PCDH9: variants seen among roughly 807,000 people sequenced by gnomAD.
PCDH9 encodes the protein protocadherin-9.
A neutral mutation model predicts 70.6 loss-of-function variants in PCDH9; 24 were observed. The observed-to-expected ratio is 0.34, with a 90% CI of 0.25 to 0.48. The LOEUF is 0.48. Among genes scored for constraint, PCDH9 ranks in the 20% least tolerant of loss-of-function variants. The pLI is 0.99. For missense variants in PCDH9, 1,281 were observed against 1,503.6 expected, an observed-to-expected ratio of 0.85 and a Z score of 2.45; for synonymous variants, 562 against 558.5, an observed-to-expected ratio of 1.01 and a Z score of -0.09.
intron 3 of PCDH9, among the ~76,000 whole-genome samples, chr13:66,663,035 C>A (rs764358264): frequency 6.6e-6 from 1 of 151,960 alleles, no homozygotes; most frequent in African/African-American, 2.4e-5. Context: ...TTCTTTTTCC[C>A]AATTAACTAT....
At chr13:66,449,226 G>T (rs538304197) in intron 4 of PCDH9, among the ~76,000 whole-genome samples, 2 of 152,188 alleles carry the variant, frequency 1.3e-5, no homozygotes, top group South Asian at 2.1e-4. Flanking sequence ...CCAGGAGAAG[G>T]CCTTCAGAAT....
intron 4 of PCDH9, among the ~76,000 whole-genome samples, chr13:66,323,728 G>A (rs1955794263): frequency 6.6e-6 from 1 of 151,234 alleles, no homozygotes; most frequent in Non-Finnish European, 1.5e-5. Context: ...ATCTTAAGTA[G>A]GTTTTAAAGT....
In PCDH9 at chr13:67,051,265, G is replaced by A. The variant is rs183980730; in HGVS notation, c.3037-147660C>T. Among the ~76,000 whole-genome samples, 41 of 152,078 alleles carry A rather than the reference G, an allele frequency of 2.7e-4. No homozygotes were observed. In the East Asian group the frequency reaches 7.7e-3, roughly 29 times the overall value. ...CTAATGAAAGGGAAGAAATCATGAAGCTAGTTTGAAATTAGCGTTGATTCA... is the reference window on the plus strand; with the variant it reads ...CTAATGAAAGGGAAGAAATCATGAAACTAGTTTGAAATTAGCGTTGATTCA... On this transcript the variant is annotated intron_variant, in intron 2 of 4. Coordinates refer to ENST00000377865, the MANE Select transcript of PCDH9 (RefSeq NM_203487.3).
At position 66,730,876 on chromosome 13, in the gene PCDH9, G is replaced by GTTTTTTTTTTT. The variant is rs758928616; in HGVS notation, c.3139-99466_3139-99465insAAAAAAAAAAA. Among the ~76,000 whole-genome samples, 67 of 46,342 alleles carry GTTTTTTTTTTT rather than the reference G, an allele frequency of 1.4e-3. 6 individuals are homozygous for GTTTTTTTTTTT. Among genetic ancestry groups the GTTTTTTTTTTT allele is most frequent in the African/African-American group, 3.9e-3 (52 of 13,266 alleles). The allele number at this position is 46,342 out of a possible 152,430, so 30.4% of individuals were successfully genotyped here. ...TGTTTTTGTTTTTTTGTGTGTGTGTGTTTTTTTTTTGTTTGTTTCTTTTTT... is the reference window on the plus strand; with the variant it reads ...TGTTTTTGTTTTTTTGTGTGTGTGTGTTTTTTTTTTTTTTTTTTTTTGTTTGTTTCTTTTTT... On this transcript the variant is annotated intron_variant, in intron 3 of 4. Transcript: ENST00000377865.
intron 3 of PCDH9, among the ~76,000 whole-genome samples, chr13:66,724,970 G>A (rs1476892975): frequency 6.6e-6 from 1 of 152,070 alleles, no homozygotes; most frequent in African/African-American, 2.4e-5. Context: ...ATATTACATA[G>A]TGCTGATGAC....
chr13:66,477,118 A>G (rs1168488335), intron 4 of PCDH9, among the ~76,000 whole-genome samples: 4 of 152,142 alleles, frequency 2.6e-5, no homozygotes, highest in Admixed American at 2.6e-4. Flanking sequence ...GAGACTAAGC[A>G]GTTCAATGTG....
intron 3 of PCDH9, among the ~76,000 whole-genome samples, chr13:66,648,560 AC>A (rs564251322): frequency 3.1e-4 from 47 of 152,306 alleles, no homozygotes; most frequent in African/African-American, 9.1e-4. Context: ...AGGTCACAAC[AC>A]CCAACTCCCT....
intron 2 of PCDH9, among the ~76,000 whole-genome samples, chr13:67,018,487 C>T (rs1051533809): frequency 3.3e-5 from 5 of 151,728 alleles, no homozygotes; most frequent in Non-Finnish European, 5.9e-5. Flanking sequence ...GGCGTGGTGG[C>T]GTCTGCCTGT....
chr13:66,321,245 G>T (rs1483338915), intron 4 of PCDH9, among the ~76,000 whole-genome samples: 4 of 152,020 alleles, frequency 2.6e-5, no homozygotes, highest in Admixed American at 2.6e-4. Flanking sequence ...ATGCTAATCT[G>T]CCATTAGATC....
intron 2 of PCDH9, among the ~76,000 whole-genome samples, chr13:66,998,565 A>C (rs1467008767): frequency 2.0e-5 from 3 of 152,086 alleles, no homozygotes; most frequent in African/African-American, 7.2e-5. Flanking sequence ...TCCCCTTTTT[A>C]CTTAGTTGGT....
In PCDH9 at chr13:66,371,286, A is replaced by G. The variant is rs1314019008; in HGVS notation, c.3341-66258T>C. ...TCAACATGGGAAAAGTGAGGGAATT[A>G]GCTTGGTGACTTTCCAGTTAACCTG... On this transcript the variant is annotated intron_variant, in intron 4 of 4. Coordinates refer to ENST00000377865, the MANE Select transcript of PCDH9 (RefSeq NM_203487.3). 3.0e-4 allele frequency among the ~76,000 whole-genome samples: 45 copies of G among 152,132 alleles called. 1 individual carries two copies. Among genetic ancestry groups the G allele is most frequent in the Admixed American group, 3.0e-3 (45 of 15,246 alleles).
At chr13:66,696,011 G>A (rs1030408911) in intron 3 of PCDH9, among the ~76,000 whole-genome samples, 1 of 151,980 alleles carries the variant, frequency 6.6e-6, no homozygotes, top group Non-Finnish European at 1.5e-5. Context: ...ATATGGTGAA[G>A]AATCACAAAA....
rs1955912477 is a variant in PCDH9 at position 66,329,960 on chromosome 13, A to G, written c.3341-24932T>C. Reference sequence around the variant, plus strand: ...CTTTGCAATAGCTACAATAAAAAACATCTGGTAGCTGTTCTGAATATAAAT... The same window carrying G: ...CTTTGCAATAGCTACAATAAAAAACGTCTGGTAGCTGTTCTGAATATAAAT... On this transcript the variant is annotated intron_variant, in intron 4 of 4. Coordinates refer to ENST00000377865, the MANE Select transcript of PCDH9 (RefSeq NM_203487.3). 2.6e-5 allele frequency among the ~76,000 whole-genome samples: 4 copies of G among 152,236 alleles called. No individual in the cohort carries two copies. In the South Asian group the frequency reaches 8.3e-4, roughly 31 times the overall value.
chr13:66,887,590 A>G lies in PCDH9; in HGVS notation c.3138+15914T>C, dbSNP rs541533493. The stretch of plus-strand genomic sequence containing the variant: ...ACAATATGAAATCACGGAAAGTACT[A>G]TCACTACTAGCTGCTGCTATACGTA... On this transcript the variant is annotated intron_variant, in intron 3 of 4. Transcript: ENST00000377865. Among the ~76,000 whole-genome samples the G allele has an allele frequency of 3.9e-5, 6 of 152,364 alleles. 1 individual carries two copies. In the East Asian group the frequency reaches 1.2e-3, roughly 29 times the overall value.
rs1311154938 is a variant in PCDH9 at position 66,747,639 on chromosome 13, A to C, written c.3139-116228T>G. Among the ~76,000 whole-genome samples the C allele has an allele frequency of 3.9e-5, 6 of 152,194 alleles. No homozygotes were observed. The South Asian group carries it at 1.2e-3, about 32-fold the overall frequency. ...TGTGTGTATTAATATACAGGCATAC[A>C]TATATGCATATACATGTATGTTTAT... On this transcript the variant is annotated intron_variant, in intron 3 of 4. Transcript: ENST00000377865.
intron 4 of PCDH9, among the ~76,000 whole-genome samples, chr13:66,485,309 A>C (rs1349408115): frequency 6.6e-6 from 1 of 152,208 alleles, no homozygotes; most frequent in Non-Finnish European, 1.5e-5. Context: ...TATAAAATTT[A>C]CCTTTAAAGG....
intron 2 of PCDH9, among the ~76,000 whole-genome samples, chr13:66,906,992 G>T (rs776279629): frequency 6.6e-6 from 1 of 151,966 alleles, no homozygotes; most frequent in Non-Finnish European, 1.5e-5. Flanking sequence ...GATCACCTGT[G>T]GTCAGGAGTT....
At chr13:66,327,800 T>C (rs1480057892) in intron 4 of PCDH9, among the ~76,000 whole-genome samples, 2 of 152,186 alleles carry the variant, frequency 1.3e-5, no homozygotes, top group African/African-American at 4.8e-5. Context: ...AAATTGTATA[T>C]AATCATTATA....
chr13:67,114,187 T>C (rs1472349715), intron 2 of PCDH9, among the ~76,000 whole-genome samples: 1 of 152,218 alleles, frequency 6.6e-6, no homozygotes, highest in African/African-American at 2.4e-5. Context: ...TCCAACCTTT[T>C]TAAAATTTCT....
Sources: allele counts gnomAD v4.1 joint callset (sites outside exome capture counted in the v4.1 genomes callset), GRCh38; gene constraint gnomAD v4.1.1; transcripts MANE v1.5; gene names NCBI Gene and HGNC (gene_info 2026-07-23, HGNC 2026-07-21).